The following CDH18 variants were observed in gnomAD, a reference collection of about 807,000 sequenced individuals.
CDH18 encodes the protein cadherin-18.
Under a neutral mutation model 67.9 loss-of-function variants are expected in CDH18, and 31 were observed. That is an observed-to-expected ratio of 0.46 (90% CI 0.34 to 0.62). The LOEUF is 0.62. Among genes scored for constraint, CDH18 ranks in the 20% least tolerant of loss-of-function variants. The pLI, the probability that CDH18 is intolerant of heterozygous loss-of-function variation, is 0.01. For missense variants in CDH18, 890 were observed against 975.5 expected (o/e 0.91, Z 1.17); for synonymous variants, 362 against 347.2 (o/e 1.04, Z -0.48).
intron 5 of CDH18, among the ~76,000 whole-genome samples, chr5:19,657,134 GTTAA>G (rs1311149026): frequency 6.6e-6 from 1 of 151,948 alleles, no homozygotes; most frequent in Non-Finnish European, 1.5e-5. Context: ...TCAGAATCTA[GTTAA>G]TTAAACTTGT....
At chr5:20,564,967 C>G (rs979327115) in intron 1 of CDH18, among the ~76,000 whole-genome samples, 6 of 152,132 alleles carry the variant, frequency 3.9e-5, no homozygotes, top group African/African-American at 1.4e-4. Flanking sequence ...TTTGGGAGAT[C>G]ACAGTATATT....
At chr5:20,402,680 C>T (rs1167261900) in intron 1 of CDH18, among the ~76,000 whole-genome samples, 1 of 152,066 alleles carries the variant, frequency 6.6e-6, no homozygotes, top group African/African-American at 2.4e-5. Context: ...GAACCTTCAG[C>T]AAGTAACAAT....
At chr5:20,036,593 G>C (rs956072425) in intron 2 of CDH18, among the ~76,000 whole-genome samples, 4 of 152,000 alleles carry the variant, frequency 2.6e-5, no homozygotes, top group African/African-American at 9.7e-5. Flanking sequence ...TAGGCATTCA[G>C]CTTAATAGGG....
intron 7 of CDH18, among the ~76,000 whole-genome samples, chr5:19,582,285 C>T (rs1347052528): frequency 6.6e-6 from 1 of 151,946 alleles, no homozygotes; most frequent in African/African-American, 2.4e-5. Flanking sequence ...AACTTACCAA[C>T]AGCCCATGCA....
intron 2 of CDH18, among the ~76,000 whole-genome samples, chr5:19,938,742 C>T (rs765560843): frequency 3.3e-5 from 5 of 151,194 alleles, no homozygotes; most frequent in Admixed American, 6.6e-5. Context: ...CTATTATATG[C>T]CTTTTAAAGT....
At chr5:20,531,639 CACAAA>C (rs1354071111) in intron 1 of CDH18, among the ~76,000 whole-genome samples, 1 of 151,306 alleles carries the variant, frequency 6.6e-6, no homozygotes, top group African/African-American at 2.5e-5. Flanking sequence ...AACACAGGAA[CACAAA>C]ACCAAACACA....
At chr5:20,094,119 C>T (rs1745677473) in intron 2 of CDH18, among the ~76,000 whole-genome samples, 1 of 152,098 alleles carries the variant, frequency 6.6e-6, no homozygotes, top group South Asian at 2.1e-4. Flanking sequence ...TAGAAAACCA[C>T]AAAATGAGAT....
chr5:19,809,699 A>G (rs1561347181), intron 3 of CDH18, among the ~76,000 whole-genome samples: 3 of 152,200 alleles, frequency 2.0e-5, no homozygotes, highest in African/African-American at 2.4e-5. Context: ...TGTTTACATT[A>G]AGTGTATACA....
intron 2 of CDH18, among the ~76,000 whole-genome samples, chr5:20,197,275 G>A (rs555353100): frequency 1.3e-5 from 2 of 152,282 alleles, no homozygotes; most frequent in African/African-American, 2.4e-5. Flanking sequence ...GCCTCCCAAA[G>A]TGCTAGTATT....
chr5:19,982,656 G>C (rs1242998694), intron 1 of CDH18, among the ~76,000 whole-genome samples: 1 of 151,908 alleles, frequency 6.6e-6, no homozygotes, highest in Admixed American at 6.6e-5. Flanking sequence ...TTTTAAAATC[G>C]ATATATTGAT....
At chr5:19,626,503 T>G (rs1422965200) in intron 5 of CDH18, among the ~76,000 whole-genome samples, 2 of 152,158 alleles carry the variant, frequency 1.3e-5, no homozygotes, top group Non-Finnish European at 2.9e-5. Context: ...ATTCATTCCT[T>G]CAATTGGGAT....
At chr5:20,552,293 A>G (rs1757674250) in intron 1 of CDH18, among the ~76,000 whole-genome samples, 1 of 152,092 alleles carries the variant, frequency 6.6e-6, no homozygotes, top group Non-Finnish European at 1.5e-5. Flanking sequence ...CATGGCCAAC[A>G]TGGTAAAACC....
At chr5:20,185,558 C>G (rs544206638) in intron 2 of CDH18, among the ~76,000 whole-genome samples, 1 of 152,088 alleles carries the variant, frequency 6.6e-6, no homozygotes, top group East Asian at 1.9e-4. Flanking sequence ...CTCACTGGAC[C>G]CCCTACTGGT....
chr5:20,129,178 G>A (rs1402647148), intron 2 of CDH18, among the ~76,000 whole-genome samples: 1 of 151,536 alleles, frequency 6.6e-6, no homozygotes, highest in Non-Finnish European at 1.5e-5. Flanking sequence ...GAGAATGAGA[G>A]AAAGATAGAA....
intron 3 of CDH18, among the ~76,000 whole-genome samples, chr5:19,810,715 T>C (rs539730460): frequency 2.0e-5 from 3 of 152,168 alleles, no homozygotes; most frequent in South Asian, 2.1e-4. Context: ...TTGGGCTCAA[T>C]AGTGCATATG....
Position 19,721,356 on chromosome 5 carries a change from G to A in CDH18, c.634C>T (p.Pro212Ser), listed in dbSNP as rs779371697. The change falls in exon 5 of 13, where the codon CCT (proline) becomes TCT (serine). Residue 212 changes from proline (P) to serine (S), a missense_variant. By Grantham distance (74) the Pro-to-Ser change is moderately conservative. Around this residue, in one of 2 missense-constraint regions of CDH18, gnomAD observed 234 missense variants for 307.4 expected, o/e 0.76. Transcript: ENST00000382275. ...GTGTAAATGCACTAACCTGTTTTAG[G>A]GTCGACGGAGAAGTAGGGTTGTCCT... ...LQGQPYFSVD[P>S]KTGVIRTALH... 4 of 1,602,464 alleles carry A rather than the reference G, an allele frequency of 2.5e-6. No individual in the cohort carries two copies. The highest frequency in any genetic ancestry group is 3.4e-6 in the Non-Finnish European group (4 of 1,171,840).
chr5:20,265,792 C>A (rs1315158561), intron 1 of CDH18, among the ~76,000 whole-genome samples: 1 of 152,094 alleles, frequency 6.6e-6, no homozygotes, highest in South Asian at 2.1e-4. Context: ...ATTTTATGTG[C>A]CAACTTGACT....
intron 2 of CDH18, among the ~76,000 whole-genome samples, chr5:19,893,500 G>A (rs771894343): frequency 3.9e-5 from 6 of 152,144 alleles, no homozygotes; most frequent in Non-Finnish European, 4.4e-5. Context: ...GACTGACACA[G>A]CTTGATAATG....
chr5:19,604,052 G>A (rs949994562), intron 6 of CDH18, among the ~76,000 whole-genome samples: 10 of 151,800 alleles, frequency 6.6e-5, no homozygotes, highest in Non-Finnish European at 1.2e-4. Flanking sequence ...TTCTTAGACT[G>A]CATCATAATA....
Sources: gnomAD v4.1 joint callset for allele counts (sites outside exome capture counted in the v4.1 genomes callset) on GRCh38, gnomAD v4.1.1 for gene constraint, gnomAD v4.1.1 regional missense constraint, MANE v1.5 for transcripts, NCBI Gene and HGNC (gene_info 2026-07-23, HGNC 2026-07-21) for gene names.